The following PDCD10 variants were observed in gnomAD, a reference collection of about 807,000 sequenced individuals.
The protein encoded by PDCD10 is programmed cell death protein 10.
Under a neutral mutation model 29.2 loss-of-function variants are expected in PDCD10, and 4 were observed. The ratio of observed to expected loss-of-function variants is 0.14; its 90% confidence interval spans 0.07 to 0.31. The LOEUF is 0.31. Among genes scored for constraint, PDCD10 ranks in the 10% least tolerant of loss-of-function variants. PDCD10 has a pLI of 1.00. For missense variants in PDCD10, 183 were observed against 257.9 expected (o/e 0.71, Z 1.99); for synonymous variants, 70 against 82.2 (o/e 0.85, Z 0.80).
At chr3:167,707,943 TAAAAGAGAAG>T (rs112979739) in intron 3 of PDCD10, among the ~76,000 whole-genome samples, 2 of 152,052 alleles carry the variant, frequency 1.3e-5, no homozygotes, top group African/African-American at 4.8e-5. Flanking sequence ...TCATCTCTCC[TAAAAGAGAAG>T]GAAAAGTGCC....
intron 2 of PDCD10, among the ~76,000 whole-genome samples, chr3:167,721,961 G>T (rs1438811914): frequency 1.3e-5 from 2 of 152,086 alleles, no homozygotes; most frequent in Non-Finnish European, 2.9e-5. Flanking sequence ...GCAAAAAGAA[G>T]TAGATAAATA....
chr3:167,721,083 A>G (rs1723513861), intron 2 of PDCD10, among the ~76,000 whole-genome samples: 1 of 152,158 alleles, frequency 6.6e-6, no homozygotes, highest in Non-Finnish European at 1.5e-5. Context: ...TTCCTTTACT[A>G]TGGTTTAAAA....
intron 3 of PDCD10, among the ~76,000 whole-genome samples, chr3:167,708,182 T>C (rs1436560627): frequency 6.6e-6 from 1 of 152,038 alleles, no homozygotes; most frequent in Non-Finnish European, 1.5e-5. Context: ...TCAGATTCCA[T>C]GGAGAGGACA....
At chr3:167,717,310 T>C (rs150178092) in intron 3 of PDCD10, among the ~76,000 whole-genome samples, 7 of 152,188 alleles carry the variant, frequency 4.6e-5, no homozygotes, top group Non-Finnish European at 8.8e-5. Flanking sequence ...ACTACCATTG[T>C]AGCTATCATG....
chr3:167,687,408 T>A (rs897264177), intron 7 of PDCD10, 92 bp from the exon 8 acceptor site: 2 of 799,056 alleles, frequency 2.5e-6, no homozygotes, highest in African/African-American at 1.7e-5. Context: ...ACACAGGATA[T>A]GGGATGCACT....
At chr3:167,721,695 A>C (rs989376998) in intron 2 of PDCD10, among the ~76,000 whole-genome samples, 1 of 152,220 alleles carries the variant, frequency 6.6e-6, no homozygotes, top group Non-Finnish European at 1.5e-5. Flanking sequence ...CATTTCTGAC[A>C]GTTCTAAACA....
intron 2 of PDCD10, among the ~76,000 whole-genome samples, chr3:167,730,444 C>A (rs1724689120): frequency 6.6e-6 from 1 of 152,068 alleles, no homozygotes; most frequent in South Asian, 2.1e-4. Context: ...TTTTATCCTC[C>A]ACATACTGGT....
At chr3:167,716,485 C>T (rs898322449) in intron 3 of PDCD10, among the ~76,000 whole-genome samples, 18 of 151,856 alleles carry the variant, frequency 1.2e-4, no homozygotes, top group African/African-American at 3.9e-4. Context: ...GTGATTATTA[C>T]GCATTGCATG....
chr3:167,733,485 G>T (rs1725030624), intron 2 of PDCD10, among the ~76,000 whole-genome samples: 1 of 151,886 alleles, frequency 6.6e-6, no homozygotes, highest in African/African-American at 2.4e-5. Flanking sequence ...TTGATGCTAA[G>T]AAAAATAAAA....
At chr3:167,711,511 C>G (rs534988535) in intron 3 of PDCD10, among the ~76,000 whole-genome samples, 2 of 152,056 alleles carry the variant, frequency 1.3e-5, no homozygotes, top group African/African-American at 4.8e-5. Context: ...AACACTCCTA[C>G]AAGATCTAGA....
At chr3:167,699,620 G>A (rs1721167499) in intron 4 of PDCD10, among the ~76,000 whole-genome samples, 1 of 152,202 alleles carries the variant, frequency 6.6e-6, no homozygotes, top group Admixed American at 6.5e-5. Flanking sequence ...CCTGTAGGGT[G>A]TCTAATCTTT....
intron 6 of PDCD10, among the ~76,000 whole-genome samples, chr3:167,693,033 G>T (rs1195689524): frequency 6.6e-6 from 1 of 152,150 alleles, no homozygotes; most frequent in Non-Finnish European, 1.5e-5. Flanking sequence ...CTTAATTATT[G>T]TCAAAGAGTA....
chr3:167,732,442 T>C (rs370547537), intron 2 of PDCD10, among the ~76,000 whole-genome samples: 4 of 152,306 alleles, frequency 2.6e-5, no homozygotes, highest in East Asian at 1.9e-4. Context: ...CAGACACTGG[T>C]GAGCTGCAAA....
rs1723426965 is a variant in PDCD10, at chr3:167,720,153, C to T, written c.5G>A (p.Arg2Lys). M[R>K]MTMEEMKNEA... ...ATTCTTCATCTCTTCCATTGTCATC[C>T]TCATTCAAAAGCCAACTACAGTTGA... The change falls in exon 3 of 9, where the codon AGG (arginine) becomes AAG (lysine). Residue 2 changes from arginine (R) to lysine (K), a missense_variant. Physicochemically the swap from Arg to Lys is conservative, Grantham distance 26. Coordinates refer to ENST00000392750, the MANE Select transcript of PDCD10 (RefSeq NM_007217.4). The T allele has an allele frequency of 1.2e-6, 2 of 1,609,670 alleles. No individual in the cohort carries two copies. The highest frequency in any genetic ancestry group is 1.3e-5 in the African/African-American group (1 of 74,776).
chr3:167,697,930 T>A (rs1396126603), intron 4 of PDCD10: 1 of 456,728 alleles, frequency 2.2e-6, no homozygotes, highest in Admixed American at 2.3e-5. Flanking sequence ...TCCTGTAGGA[T>A]GCCTGCCAAT....
At chr3:167,717,184 G>A (rs1039606348) in intron 3 of PDCD10, among the ~76,000 whole-genome samples, 5 of 151,892 alleles carry the variant, frequency 3.3e-5, no homozygotes, top group Non-Finnish European at 2.9e-5. Flanking sequence ...AGCAAACATC[G>A]AACTTCCAGA....
chr3:167,704,722 C>G, intron 4 of PDCD10, 120 bp downstream of exon 4: 1 of 708,650 alleles, frequency 1.4e-6, no homozygotes. Flanking sequence ...TATAGTAAAA[C>G]AGGCATAAGA....
At chr3:167,727,370 T>C (rs1724301321) in intron 2 of PDCD10, among the ~76,000 whole-genome samples, 1 of 152,238 alleles carries the variant, frequency 6.6e-6, no homozygotes, top group African/African-American at 2.4e-5. Context: ...CTCATTTTTT[T>C]TTCCTATGTC....
intron 6 of PDCD10, among the ~76,000 whole-genome samples, chr3:167,689,580 G>A (rs1719991907): frequency 1.0e-5 from 1 of 99,466 alleles, no homozygotes; most frequent in African/African-American, 4.4e-5. Flanking sequence ...CACCTAGGGA[G>A]ACAAAAACAC....
Sources: gnomAD v4.1 joint callset for allele counts (sites outside exome capture counted in the v4.1 genomes callset) on GRCh38, gnomAD v4.1.1 for gene constraint, MANE v1.5 for transcripts, NCBI Gene and HGNC (gene_info 2026-07-23, HGNC 2026-07-21) for gene names.